COMMD10: variants seen among roughly 807,000 people sequenced by gnomAD.
COMMD10 encodes COMM domain-containing protein 10.
COMMD10 carries 33 observed loss-of-function variants against 28.9 expected under a neutral mutation model. The observed-to-expected ratio is 1.14, with a 90% confidence interval of 0.87 to 1.53. The LOEUF (loss-of-function observed/expected upper bound fraction) is 1.53, where lower values mean the gene tolerates loss of function less well. COMMD10 is among the 40% of genes most tolerant of loss of function. The probability of loss-of-function intolerance (pLI) is 0.00; values close to 1 mark genes in which losing one functional copy is unlikely to be tolerated. For synonymous variants in COMMD10, 110 were observed against 81.7 expected, an observed-to-expected ratio of 1.35 and a Z score of -1.87; for missense variants, 310 against 233.4, an observed-to-expected ratio of 1.33 and a Z score of -2.14.
intron 5 of COMMD10, among the ~76,000 whole-genome samples, chr5:116,254,667 T>G (rs1750228352): frequency 6.6e-6 from 1 of 151,828 alleles, no homozygotes; most frequent in South Asian, 2.1e-4. Flanking sequence ...GAGAGATAGT[T>G]TGTTATAATT....
chr5:116,196,049 A>C (rs1426322259), intron 5 of COMMD10, among the ~76,000 whole-genome samples: 1 of 152,248 alleles, frequency 6.6e-6, no homozygotes. Context: ...AACTAAAAGC[A>C]GAACTACCAT....
intron 5 of COMMD10, among the ~76,000 whole-genome samples, chr5:116,270,583 G>T (rs1307643153): frequency 6.6e-6 from 1 of 151,818 alleles, no homozygotes; most frequent in Non-Finnish European, 1.5e-5. Flanking sequence ...TAGTGGCATG[G>T]GGACTAGAAA....
At chr5:116,212,714 A>G (rs1193786445) in intron 5 of COMMD10, among the ~76,000 whole-genome samples, 1 of 152,124 alleles carries the variant, frequency 6.6e-6, no homozygotes, top group African/African-American at 2.4e-5. Flanking sequence ...CTTTAAGAAA[A>G]CTAGCTGGAT....
At chr5:116,172,472 A>G (rs1876676) in intron 5 of COMMD10, among the ~76,000 whole-genome samples, 47,172 of 152,074 alleles carry the variant, frequency 0.31, 10,230 homozygotes, top group African/African-American at 0.62. Context: ...TTTTGATTCT[A>G]CAAAATCATA....
intron 5 of COMMD10, among the ~76,000 whole-genome samples, chr5:116,203,616 C>T (rs1199184277): frequency 6.6e-6 from 1 of 152,010 alleles, no homozygotes; most frequent in Non-Finnish European, 1.5e-5. Flanking sequence ...ATTTTCAACC[C>T]AGAATTTCAT....
intron 5 of COMMD10, among the ~76,000 whole-genome samples, chr5:116,147,458 A>G (rs949073967): frequency 3.3e-5 from 5 of 151,926 alleles, no homozygotes; most frequent in African/African-American, 4.8e-5. Context: ...AAGTATAATC[A>G]ATGAATAGCA....
At chr5:116,152,575 A>G (rs1752568039) in intron 5 of COMMD10, among the ~76,000 whole-genome samples, 1 of 77,278 alleles carries the variant, frequency 1.3e-5, no homozygotes. Context: ...TAGAGTAATC[A>G]TTATTTTTTG....
chr5:116,118,853 A>G (rs563924471), intron 4 of COMMD10, among the ~76,000 whole-genome samples: 3 of 152,326 alleles, frequency 2.0e-5, no homozygotes, highest in Non-Finnish European at 4.4e-5. Context: ...AACAGAATGT[A>G]TTTCTCCACT....
At chr5:116,192,301 G>T (rs576306480) in intron 5 of COMMD10, among the ~76,000 whole-genome samples, 13 of 147,664 alleles carry the variant, frequency 8.8e-5, no homozygotes, top group Non-Finnish European at 1.5e-4. Flanking sequence ...ACAAGCAGTG[G>T]ATCCAAACCA....
rs375227609 is a variant in COMMD10 at position 116,143,069 on chromosome 5, G to GTTT, written c.510+8906_510+8908dup. 3.7e-4 allele frequency among the ~76,000 whole-genome samples: 48 copies of GTTT among 130,974 alleles called. 1 individual carries two copies. The South Asian group carries it at 4.7e-3, about 13-fold the overall frequency. 85.9% of individuals were successfully genotyped at this position (130,974 alleles called of 152,430 possible). On this transcript the variant is annotated intron_variant, in intron 5 of 6. Transcript: ENST00000274458. ...TCCCTCAATTTAATGTGTGTTTTTG[G>GTTT]TTTTTTTTTTTTTTTTTGGTTTTGT...
At chr5:116,158,094 A>G (rs1319857882) in intron 5 of COMMD10, among the ~76,000 whole-genome samples, 1 of 148,674 alleles carries the variant, frequency 6.7e-6, no homozygotes, top group East Asian at 2.0e-4. Flanking sequence ...GCCTTCAAGC[A>G]GATGCCTGCC....
intron 5 of COMMD10, among the ~76,000 whole-genome samples, chr5:116,147,390 A>G (rs779542970): frequency 2.6e-5 from 4 of 151,946 alleles, no homozygotes; most frequent in East Asian, 1.9e-4. Flanking sequence ...TAGGATTAAT[A>G]TAATCGAATT....
chr5:116,143,564 G>A (rs898312604), intron 5 of COMMD10, among the ~76,000 whole-genome samples: 2 of 151,596 alleles, frequency 1.3e-5, no homozygotes, highest in African/African-American at 2.4e-5. Flanking sequence ...GAAACCCAGA[G>A]GCAGTTGATA....
intron 5 of COMMD10, among the ~76,000 whole-genome samples, chr5:116,208,299 G>T (rs1304774996): frequency 6.6e-6 from 1 of 152,052 alleles, no homozygotes; most frequent in African/African-American, 2.4e-5. Flanking sequence ...TCCAAGTCCT[G>T]TGTAACCTTT....
chr5:116,242,663 A>G (rs1375114538), intron 5 of COMMD10, among the ~76,000 whole-genome samples: 1 of 152,268 alleles, frequency 6.6e-6, no homozygotes, highest in Admixed American at 6.5e-5. Context: ...AAAGAGGTAT[A>G]TAGGATTCCA....
At chr5:116,205,451 C>G (rs528016816) in intron 5 of COMMD10, among the ~76,000 whole-genome samples, 5 of 152,224 alleles carry the variant, frequency 3.3e-5, no homozygotes, top group African/African-American at 9.6e-5. Context: ...GGAAAAGATT[C>G]CAGTAATCTG....
At chr5:116,202,534 C>G (rs1439303761) in intron 5 of COMMD10, among the ~76,000 whole-genome samples, 1 of 151,296 alleles carries the variant, frequency 6.6e-6, no homozygotes, top group South Asian at 2.1e-4. Context: ...TCTCCACATC[C>G]TCTCCAGCAC....
rs144705118 is a variant in COMMD10 at position 116,094,037 on chromosome 5, A to T, written c.399+1337A>T. ...AAAATCAACTCAAAATTGATTAAAG[A>T]CTTAAACATAAGACCCACAACTGTT... On this transcript the variant is annotated intron_variant, in intron 4 of 6. Coordinates refer to ENST00000274458, the MANE Select transcript of COMMD10 (RefSeq NM_016144.4). Among the ~76,000 whole-genome samples the T allele has an allele frequency of 1.9e-3, 288 of 152,318 alleles. 2 individuals carry two copies. Among genetic ancestry groups the T allele is most frequent in the African/African-American group, 6.5e-3 (272 of 41,568 alleles).
intron 5 of COMMD10, among the ~76,000 whole-genome samples, chr5:116,175,678 A>C (rs181006214): frequency 1.3e-5 from 2 of 152,254 alleles, no homozygotes; most frequent in East Asian, 3.9e-4. Context: ...ATGCAACGGG[A>C]TATTATTCGG....
Sources: allele counts gnomAD v4.1 joint callset (sites outside exome capture counted in the v4.1 genomes callset), GRCh38; gene constraint gnomAD v4.1.1; transcripts MANE v1.5; gene names NCBI Gene and HGNC (gene_info 2026-07-23, HGNC 2026-07-21).